DIP2C: variants seen among roughly 807,000 people sequenced by gnomAD.
The protein encoded by DIP2C is DIP2 acetate--CoA ligase C (putative), also known as disco-interacting protein 2 homolog C.
In DIP2C, 33 loss-of-function variants were observed where a neutral mutation model predicts 192.4. The ratio of observed to expected loss-of-function variants is 0.17; its 90% CI spans 0.13 to 0.23. The LOEUF (loss-of-function observed/expected upper bound fraction) is 0.23. Among genes scored for constraint, DIP2C ranks in the 10% least tolerant of loss-of-function variants. DIP2C has a pLI of 1.00. For synonymous variants in DIP2C, 979 were observed against 864.1 expected, an observed-to-expected ratio of 1.13 and a Z score of -2.33; for missense variants, 1,537 against 2,110.1, an observed-to-expected ratio of 0.73 and a Z score of 5.32.
chr10:459,944 C>T (rs1169165060), intron 3 of DIP2C, among the ~76,000 whole-genome samples: 1 of 144,318 alleles, frequency 6.9e-6, no homozygotes, highest in East Asian at 2.2e-4. Context: ...ACCTGCTGCA[C>T]GTGAGCTCTA....
intron 22 of DIP2C, among the ~76,000 whole-genome samples, chr10:362,008 G>C (rs1033328324): frequency 6.6e-6 from 1 of 151,710 alleles, no homozygotes; most frequent in African/African-American, 2.4e-5. Context: ...GTGTGGGAGG[G>C]GGCGGAAACA....
chr10:472,407 G>A (rs1588214019), intron 3 of DIP2C, 32 bp downstream of exon 3: 10 of 1,588,518 alleles, frequency 6.3e-6, no homozygotes, highest in Admixed American at 3.4e-5. Flanking sequence ...GGTGGCAGAT[G>A]GACGTATTGT....
At chr10:397,248 G>A (rs1331859580) in intron 10 of DIP2C, among the ~76,000 whole-genome samples, 1 of 152,162 alleles carries the variant, frequency 6.6e-6, no homozygotes, top group Non-Finnish European at 1.5e-5. Flanking sequence ...GTGCTAAAGG[G>A]GCCAGGCGCA....
intron 1 of DIP2C, among the ~76,000 whole-genome samples, chr10:684,068 G>C (rs959599736): frequency 6.6e-6 from 1 of 152,254 alleles, no homozygotes; most frequent in African/African-American, 2.4e-5. Flanking sequence ...CTTCATGTGG[G>C]TTCGCTTTCC....
chr10:535,265 G>T (rs1331395451), intron 1 of DIP2C, among the ~76,000 whole-genome samples: 2 of 152,008 alleles, frequency 1.3e-5, no homozygotes, highest in African/African-American at 4.8e-5. Flanking sequence ...TCCTCCCTTG[G>T]TAAGAGTCAG....
intron 1 of DIP2C, among the ~76,000 whole-genome samples, chr10:557,772 G>GCA (rs1848971804): frequency 5.3e-5 from 3 of 56,990 alleles, no homozygotes; most frequent in Non-Finnish European, 6.2e-5. Flanking sequence ...GGGGGAGGAT[G>GCA]GGCGGGGAGG....
At chr10:451,206 C>G (rs1430010984) in intron 3 of DIP2C, among the ~76,000 whole-genome samples, 3 of 152,196 alleles carry the variant, frequency 2.0e-5, no homozygotes, top group African/African-American at 7.2e-5. Flanking sequence ...CTGAACAGAT[C>G]ATTCGATTCT....
rs560085650 is a variant in DIP2C, at chr10:465,446, A to C, written c.268+6993T>G. On this transcript the variant is annotated intron_variant, in intron 3 of 36. Transcript: ENST00000280886. Reference sequence around the variant, plus strand: ...AGCCAATATCATACTGAATGGGCATAAACTGGAAGCATTCCCTTTGAAAAC... The same window carrying C: ...AGCCAATATCATACTGAATGGGCATCAACTGGAAGCATTCCCTTTGAAAAC... 2.0e-3 allele frequency among the ~76,000 whole-genome samples: 309 copies of C among 152,102 alleles called. 3 individuals carry two copies. Among genetic ancestry groups the C allele is most frequent in the African/African-American group, 7.3e-3 (301 of 41,404 alleles).
intron 1 of DIP2C, among the ~76,000 whole-genome samples, chr10:655,349 T>C (rs1005684930): frequency 6.6e-6 from 1 of 152,186 alleles, no homozygotes; most frequent in African/African-American, 2.4e-5. Context: ...CCAGCTGAGC[T>C]AAAGAGCAAA....
chr10:482,651 A>G (rs1018560478), intron 2 of DIP2C, among the ~76,000 whole-genome samples: 1 of 152,230 alleles, frequency 6.6e-6, no homozygotes, highest in African/African-American at 2.4e-5. Flanking sequence ...TGCTGTGAGA[A>G]AGAGGAGCTG....
At chr10:485,044 GCA>G in intron 2 of DIP2C, 2 of 1,417,704 alleles carry the variant, frequency 1.4e-6, no homozygotes, top group East Asian at 2.5e-5. Context: ...ATGCAGGACA[GCA>G]CACAGACCAC....
intron 33 of DIP2C, among the ~76,000 whole-genome samples, chr10:288,055 A>C (rs1338021450): frequency 1.3e-5 from 2 of 152,160 alleles, no homozygotes; most frequent in Admixed American, 6.5e-5. Context: ...GCTGGAGCGG[A>C]AGCAGCCGCT....
At chr10:571,614 G>A (rs554242826) in intron 1 of DIP2C, among the ~76,000 whole-genome samples, 85 of 152,158 alleles carry the variant, frequency 5.6e-4, no homozygotes, top group Non-Finnish European at 1.0e-3. Flanking sequence ...GGTCAGTAGA[G>A]GGTTTTCTTT....
chr10:616,310 A>G (rs1398462838), intron 1 of DIP2C, among the ~76,000 whole-genome samples: 1 of 152,246 alleles, frequency 6.6e-6, no homozygotes, highest in Non-Finnish European at 1.5e-5. Context: ...GCATGAATGA[A>G]AACTTTAATC....
intron 9 of DIP2C, among the ~76,000 whole-genome samples, chr10:404,896 TGA>T (rs1964694479): frequency 6.6e-6 from 1 of 152,236 alleles, no homozygotes; most frequent in Non-Finnish European, 1.5e-5. Flanking sequence ...TGTGACGGAC[TGA>T]GAGCTGATGG....
At chr10:382,613 T>TA (rs1382700140) in intron 17 of DIP2C, 34 bp downstream of exon 17, 3 of 1,531,554 alleles carry the variant, frequency 2.0e-6, no homozygotes, top group Admixed American at 3.4e-5. Context: ...GGACTGTCTC[T>TA]AGGTTATCTA....
At chr10:540,368 G>C (rs1002695024) in intron 1 of DIP2C, among the ~76,000 whole-genome samples, 1 of 152,200 alleles carries the variant, frequency 6.6e-6, no homozygotes, top group Admixed American at 6.5e-5. Flanking sequence ...AAAGCTGCCC[G>C]GCCCAGCACT....
chr10:670,735 AAAG>A (rs1830593848), intron 1 of DIP2C, among the ~76,000 whole-genome samples: 1 of 152,210 alleles, frequency 6.6e-6, no homozygotes, highest in Non-Finnish European at 1.5e-5. Context: ...TAAGATAACA[AAAG>A]AAAGTCACAG....
At chr10:429,819 ATTATG>A (rs963782138) in intron 4 of DIP2C, among the ~76,000 whole-genome samples, 2 of 152,070 alleles carry the variant, frequency 1.3e-5, no homozygotes, top group African/African-American at 4.8e-5. Flanking sequence ...AGTTTTGGCA[ATTATG>A]AATAAGGCTG....
Sources: allele counts gnomAD v4.1 joint callset (sites outside exome capture counted in the v4.1 genomes callset), GRCh38; gene constraint gnomAD v4.1.1; transcripts MANE v1.5; gene names NCBI Gene and HGNC (gene_info 2026-07-23, HGNC 2026-07-21).